Variants in DOK5 observed in about 807,000 individuals in gnomAD.
DOK5 encodes the protein docking protein 5.
Under a neutral mutation model 43.3 loss-of-function variants are expected in DOK5, and 27 were observed. The ratio of observed to expected loss-of-function variants is 0.62; its 90% CI spans 0.46 to 0.86. DOK5 has a LOEUF of 0.86. DOK5 is among the 40% of genes least tolerant of loss of function. The pLI is 0.00. For synonymous variants in DOK5, 146 were observed against 140.1 expected (o/e 1.04, Z -0.30); for missense variants, 373 against 392.9 (o/e 0.95, Z 0.43).
intron 1 of DOK5, chr20:54,476,243 G>T: frequency 1.0e-6 from 1 of 976,434 alleles, no homozygotes; most frequent in Non-Finnish European, 1.2e-6. Context: ...TGGTGGCCGC[G>T]TGTTGGGCTT....
At chr20:54,572,984 T>A (rs1288145476) in intron 2 of DOK5, among the ~76,000 whole-genome samples, 1 of 152,208 alleles carries the variant, frequency 6.6e-6, no homozygotes, top group East Asian at 1.9e-4. Flanking sequence ...TTTGGCAATG[T>A]GGATTTGGTG....
chr20:54,496,139 C>G (rs1039587985), intron 1 of DOK5, among the ~76,000 whole-genome samples: 8 of 152,110 alleles, frequency 5.3e-5, no homozygotes, highest in Non-Finnish European at 1.0e-4. Flanking sequence ...AAGAAAAGAC[C>G]TTTTGTTAGA....
intron 7 of DOK5, among the ~76,000 whole-genome samples, chr20:54,649,097 G>T (rs6064100): frequency 6.6e-6 from 1 of 152,146 alleles, no homozygotes; most frequent in Non-Finnish European, 1.5e-5. Flanking sequence ...TGAACCAGGC[G>T]TCTTCCATGT....
chr20:54,645,142 A>G (rs1252292961), intron 7 of DOK5, among the ~76,000 whole-genome samples: 1 of 151,864 alleles, frequency 6.6e-6, no homozygotes, highest in Admixed American at 6.6e-5. Flanking sequence ...CAAACTGGAA[A>G]TAGAGTGCAC....
intron 6 of DOK5, among the ~76,000 whole-genome samples, chr20:54,632,218 G>A (rs1725575846): frequency 6.6e-6 from 1 of 152,102 alleles, no homozygotes; most frequent in Admixed American, 6.5e-5. Context: ...TTGTTCCTTG[G>A]ATTCATTGTA....
At chr20:54,549,583 A>G (rs6098071) in intron 1 of DOK5, among the ~76,000 whole-genome samples, 2 of 152,290 alleles carry the variant, frequency 1.3e-5, no homozygotes, top group East Asian at 3.9e-4. Context: ...TCAAAAATGG[A>G]AATCATTAGG....
intron 6 of DOK5, among the ~76,000 whole-genome samples, chr20:54,642,320 T>G (rs1979158874): frequency 6.6e-6 from 1 of 152,164 alleles, no homozygotes; most frequent in South Asian, 2.1e-4. Context: ...CCTCAATGTC[T>G]GGAACAATGA....
chr20:54,562,541 C>T (rs1464959546), intron 2 of DOK5, among the ~76,000 whole-genome samples: 1 of 152,176 alleles, frequency 6.6e-6, no homozygotes, highest in Non-Finnish European at 1.5e-5. Context: ...ACCTCAGCCT[C>T]CTGAGTTGCT....
At chr20:54,506,261 G>C (rs1158143953) in intron 1 of DOK5, among the ~76,000 whole-genome samples, 1 of 152,170 alleles carries the variant, frequency 6.6e-6, no homozygotes, top group Non-Finnish European at 1.5e-5. Flanking sequence ...GGAAGAAACA[G>C]AGATAGGGCA....
At chr20:54,505,130 TG>T (rs1292054082) in intron 1 of DOK5, among the ~76,000 whole-genome samples, 1 of 152,136 alleles carries the variant, frequency 6.6e-6, no homozygotes, top group Non-Finnish European at 1.5e-5. Context: ...GGTTTGACCT[TG>T]GGGAAGTCAC....
At chr20:54,577,282 T>G (rs553462665) in intron 2 of DOK5, among the ~76,000 whole-genome samples, 1 of 152,362 alleles carries the variant, frequency 6.6e-6, no homozygotes, top group Non-Finnish European at 1.5e-5. Context: ...TATTCTGTGT[T>G]TGATTAAAGT....
chr20:54,637,993 G>A (rs1035692201), intron 6 of DOK5, among the ~76,000 whole-genome samples: 1 of 152,100 alleles, frequency 6.6e-6, no homozygotes. Context: ...GTGGTGGCGG[G>A]CACCTGTAGT....
intron 1 of DOK5, among the ~76,000 whole-genome samples, chr20:54,538,538 T>G (rs904268516): frequency 1.3e-5 from 2 of 152,166 alleles, no homozygotes; most frequent in African/African-American, 4.8e-5. Context: ...AAGAAGGAAC[T>G]CAGTGAGCAA....
intron 4 of DOK5, among the ~76,000 whole-genome samples, chr20:54,590,121 T>C (rs1985933554): frequency 6.6e-6 from 1 of 152,194 alleles, no homozygotes; most frequent in Non-Finnish European, 1.5e-5. Flanking sequence ...GGGGAAGCAG[T>C]ATCCTGACAG....
chr20:54,573,294 G>A (rs980903621), intron 2 of DOK5, among the ~76,000 whole-genome samples: 2 of 152,154 alleles, frequency 1.3e-5, no homozygotes, highest in South Asian at 2.1e-4. Context: ...TGCAAAGCCC[G>A]GAGCAGGGAG....
intron 5 of DOK5, among the ~76,000 whole-genome samples, chr20:54,599,907 T>C (rs2146780689): frequency 6.6e-6 from 1 of 152,286 alleles, no homozygotes; most frequent in Admixed American, 6.5e-5. Flanking sequence ...AAGAGAGAGA[T>C]ATAGACAATG....
At chr20:54,646,550 G>T (rs531372395) in intron 7 of DOK5, among the ~76,000 whole-genome samples, 2 of 152,068 alleles carry the variant, frequency 1.3e-5, no homozygotes, top group East Asian at 3.9e-4. Context: ...ACTGCACCCA[G>T]CTAGTTATGC....
At chr20:54,594,501 C>T (rs2054432) in intron 5 of DOK5, among the ~76,000 whole-genome samples, 34,658 of 151,964 alleles carry the variant, frequency 0.23, 4,759 homozygotes, top group African/African-American at 0.38. Context: ...TATGCATTAA[C>T]GATAACCAGT....
chr20:54,601,910 A>C (rs898003156), intron 5 of DOK5, among the ~76,000 whole-genome samples: 2 of 152,214 alleles, frequency 1.3e-5, no homozygotes, highest in Non-Finnish European at 1.5e-5. Context: ...TTCCAAATTC[A>C]TATTTTCATT....
Sources: allele counts gnomAD v4.1 joint callset (sites outside exome capture counted in the v4.1 genomes callset), GRCh38; gene constraint gnomAD v4.1.1; transcripts MANE v1.5; gene names NCBI Gene and HGNC (gene_info 2026-07-23, HGNC 2026-07-21).